The following IDI2 variants were observed in gnomAD, a reference collection of about 807,000 sequenced individuals.
The protein encoded by IDI2 is isopentenyl-diphosphate delta-isomerase 2.
A neutral mutation model predicts 14.8 loss-of-function variants in IDI2; 18 were observed. That is an observed-to-expected ratio of 1.22 (90% confidence interval 0.84 to 1.80). The LOEUF is 1.80. IDI2 is among the 40% of genes most tolerant of loss of function. The pLI, the probability that IDI2 is intolerant of heterozygous loss-of-function variation, is 0.00. For synonymous variants in IDI2, 133 were observed against 109.6 expected (o/e 1.21, Z -1.33); for missense variants, 316 against 283.2 (o/e 1.12, Z -0.83).
chr10:1,023,327 T>C (rs1224405820), intron 2 of IDI2, among the ~76,000 whole-genome samples: 1 of 151,838 alleles, frequency 6.6e-6, no homozygotes, highest in Non-Finnish European at 1.5e-5. Flanking sequence ...TACAAAAAAA[T>C]TAGCTGGGCG....
rs955487340 is a variant in IDI2 at position 1,022,700 on chromosome 10, G to A, written c.218C>T (p.Thr73Met). ...GGACTCACCAGGAAACGTGACTTTC[G>A]TGTCCGACCTCTGCTGTATCAGGAT... ...NRILIQQRSD[T>M]KVTFPGYFTD... Residue 73 changes from threonine (T) to methionine (M), a missense_variant, in exon 3 of 5, where the codon ACG becomes ATG. Physicochemically the swap from Thr to Met is moderately conservative, Grantham distance 81. Coordinates refer to ENST00000277517, the MANE Select transcript of IDI2 (RefSeq NM_033261.3). 7 of 1,613,662 alleles carry A rather than the reference G, an allele frequency of 4.3e-6. No individual in the cohort carries two copies. The highest frequency in any genetic ancestry group is 1.7e-5 in the Admixed American group (1 of 60,000).
At position 1,019,228 on chromosome 10, in the gene IDI2, T is replaced by G; in HGVS notation, c.*289A>C. 1 of 321,904 alleles carries G rather than the reference T, an allele frequency of 3.1e-6. No homozygotes were observed. The highest frequency in any genetic ancestry group is 5.9e-6 in the Non-Finnish European group (1 of 170,690). 19.9% of individuals were successfully genotyped at this position (321,904 alleles called of 1,614,324 possible). ...GGACTCTCAAGATCTCCCCAAGACT[T>G]TCAGGATCAGCTGCTGTTAATCAAA... On this transcript the variant is annotated 3_prime_UTR_variant, in exon 5 of 5. Coordinates refer to ENST00000277517, the MANE Select transcript of IDI2 (RefSeq NM_033261.3).
chr10:1,024,732 G>A lies in IDI2; in HGVS notation c.-9C>T. ...AGATTTATGTCAGACATAGCTGCTG[G>A]CTGTGACCCGACCTGAAATAGATGC... On this transcript the variant is annotated 5_prime_UTR_variant, in exon 2 of 5. Transcript: ENST00000277517. 1.2e-6 allele frequency: 2 copies of A among 1,613,862 alleles called. No individual in the cohort carries two copies. The highest frequency in any genetic ancestry group is 2.2e-5 in the East Asian group (1 of 44,876).
Position 1,020,724 on chromosome 10 carries a change from C to T in IDI2, c.366+43G>A, listed in dbSNP as rs754173885. 4 of 1,557,000 alleles carry T rather than the reference C, an allele frequency of 2.6e-6. No individual in the cohort carries two copies. In the South Asian group the frequency reaches 3.7e-5, roughly 14 times the overall value. On this transcript the variant is annotated intron_variant, in intron 4 of 4. Coordinates refer to ENST00000277517, the MANE Select transcript of IDI2 (RefSeq NM_033261.3). Reference sequence around the variant, plus strand: ...TGTTCACCGTCTGCCCGCTGCCAACCTGGACTCCCGTGGACACAGCTGAGA... The same window carrying T: ...TGTTCACCGTCTGCCCGCTGCCAACTTGGACTCCCGTGGACACAGCTGAGA...
rs780346470 is a variant in IDI2, at chr10:1,022,729, A to C, written c.189T>G (p.Asn63Lys). 6.2e-7 allele frequency: 1 copy of C among 1,614,220 alleles called. No individual in the cohort carries two copies. The highest frequency in any genetic ancestry group is 1.3e-5 in the African/African-American group (1 of 75,070). Reference protein sequence around the residue: ...AFSVVLFNTKNRILIQQRSDT... With the variant: ...AFSVVLFNTKKRILIQQRSDT... Reference sequence around the variant, plus strand: ...CCGACCTCTGCTGTATCAGGATTCGATTCTTGGTGTTAAACAAGACAACGC... The same window carrying C: ...CCGACCTCTGCTGTATCAGGATTCGCTTCTTGGTGTTAAACAAGACAACGC... The change falls in exon 3 of 5, where the codon AAT becomes AAG. Residue 63 changes from asparagine to lysine, a missense_variant. Transcript: ENST00000277517.
At chr10:1,022,133 C>T (rs1832117336) in intron 3 of IDI2, among the ~76,000 whole-genome samples, 1 of 152,086 alleles carries the variant, frequency 6.6e-6, no homozygotes, top group Admixed American at 6.5e-5. Flanking sequence ...GTGGCGGGCG[C>T]CTGTAGTCCC....
chr10:1,020,953 A>C, intron 3 of IDI2, 56 bp from the exon 4 acceptor site: 3 of 1,559,416 alleles, frequency 1.9e-6, no homozygotes, highest in Non-Finnish European at 8.7e-7. Flanking sequence ...TGAATATATT[A>C]AATACAAATG....
At chr10:1,025,010 C>CACACACACA (rs1368407999) in intron 1 of IDI2, among the ~76,000 whole-genome samples, 2 of 145,058 alleles carry the variant, frequency 1.4e-5, no homozygotes, top group African/African-American at 2.5e-5. Context: ...CCCCGCCCCA[C>CACACACACA]CACACACACA....
At chr10:1,020,741 C>T (rs1268198207) in intron 4 of IDI2, 26 bp downstream of exon 4, 1 of 1,593,440 alleles carries the variant, frequency 6.3e-7, no homozygotes, top group Non-Finnish European at 8.5e-7. Context: ...CCCGTGGACA[C>T]AGCTGAGACT....
rs372513363 is a variant in IDI2 at position 1,022,202 on chromosome 10, T to C, written c.235+481A>G. ...TGAACCCAGGAGGCGGGGCTTGCAG[T>C]GAGCCGAGATGGCGCCACTGCACTC... is the stretch of plus-strand genomic sequence containing the variant. On this transcript the variant is annotated intron_variant, in intron 3 of 4. Transcript: ENST00000277517. 1.8e-3 allele frequency among the ~76,000 whole-genome samples: 264 copies of C among 150,294 alleles called. 2 individuals carry two copies. The South Asian group carries it at 0.022, about 12-fold the overall frequency.
At chr10:1,019,882 A>G (rs1286407387) in intron 4 of IDI2, 48 bp from the exon 5 acceptor site, 7 of 1,257,632 alleles carry the variant, frequency 5.6e-6, no homozygotes, top group Non-Finnish European at 6.9e-6. Context: ...TGTAAAACAC[A>G]GAATTTACAG....
intron 1 of IDI2, 21 bp from the exon 2 acceptor site, chr10:1,024,765 T>G (rs1832182828): frequency 1.2e-6 from 2 of 1,611,676 alleles, no homozygotes; most frequent in Non-Finnish European, 1.7e-6. Flanking sequence ...TGCACACAAA[T>G]GCCTCTTTAT....
chr10:1,019,784 T>C lies in IDI2; in HGVS notation c.417A>G (p.Lys139=). ...CATGCTCTCCCCAAATTCTGTCTGA[T>C]TTTGCCTTGTGGTGATAGATTGTCA... ...VFMTIYHHKA[K]SDRIWGEHEI... The change falls in exon 5 of 5, where the codon AAA becomes AAG. Residue 139 remains lysine (K), a synonymous_variant. Transcript: ENST00000277517. 2 of 1,614,020 alleles carry C rather than the reference T, an allele frequency of 1.2e-6. No homozygotes were observed. The highest frequency in any genetic ancestry group is 4.5e-5 in the East Asian group (2 of 44,860).
chr10:1,025,397 C>T (rs112339780), intron 1 of IDI2, among the ~76,000 whole-genome samples: 3,690 of 152,028 alleles, frequency 0.024, 70 homozygotes, highest in Non-Finnish European at 0.039. Flanking sequence ...AAAAATTAGC[C>T]AGGCCTGGTG....
At position 1,019,839 on chromosome 10, in the gene IDI2, T is replaced by C. The variant is rs1395793969; in HGVS notation, c.367-5A>G. The C allele has an allele frequency of 1.2e-6, 2 of 1,606,382 alleles. No homozygotes were observed. The highest frequency in any genetic ancestry group is 1.7e-6 in the Non-Finnish European group (2 of 1,173,226). On this transcript the variant is annotated splice_region_variant and splice_polypyrimidine_tract_variant and intron_variant, in intron 4 of 4. Coordinates refer to ENST00000277517, the MANE Select transcript of IDI2 (RefSeq NM_033261.3). The stretch of plus-strand genomic sequence containing the variant: ...CACAATGTCCTCTGGAGAAATCTAT[T>C]GACAGAAATTGGTGCAGTGTTAACA...
chr10:1,025,160 A>G (rs1473212106), intron 1 of IDI2, among the ~76,000 whole-genome samples: 1 of 152,184 alleles, frequency 6.6e-6, no homozygotes, highest in Non-Finnish European at 1.5e-5. Context: ...AGAAACACAC[A>G]GCCTTGTAGG....
At chr10:1,023,375 C>A (rs1832150178) in intron 2 of IDI2, among the ~76,000 whole-genome samples, 1 of 151,422 alleles carries the variant, frequency 6.6e-6, no homozygotes, top group Admixed American at 6.6e-5. Context: ...ACTCGGGAGG[C>A]TGAGGCAGGA....
At position 1,019,598 on chromosome 10, in the gene IDI2, G is replaced by C. The variant is rs41299208; in HGVS notation, c.603C>G (p.Ala201=). 1.2e-6 allele frequency: 2 copies of C among 1,613,852 alleles called. No homozygotes were observed. The highest frequency in any genetic ancestry group is 2.7e-5 in the African/African-American group (2 of 74,874). ...GCCACCACCGGTACAGAAACCTCTC[G>C]GCAATGGTTCTTAGCCAGGGGGTGA... ...VKVTPWLRTI[A]ERFLYRWWPH... Residue 201 remains alanine (A), a synonymous_variant, in exon 5 of 5, where the codon GCC becomes GCG. Coordinates refer to ENST00000277517, the MANE Select transcript of IDI2 (RefSeq NM_033261.3).
Position 1,024,679 on chromosome 10 carries a change from C to T in IDI2, c.45G>A (p.Gln15=). 1.9e-6 allele frequency: 3 copies of T among 1,614,232 alleles called. No individual in the cohort carries two copies. Among genetic ancestry groups the T allele is most frequent in the Middle Eastern group, 1.6e-4 (1 of 6,062 alleles). ...CAACAATCAGCATTTCCTCCAAGCG[C>T]TGCAACTGACGCCTGTCAACCCAGT... ...NLDWVDRRQL[Q]RLEEMLIVVD... Residue 15 remains glutamine (Q), a synonymous_variant, in exon 2 of 5, where the codon CAG becomes CAA. Transcript: ENST00000277517.
Sources: allele counts gnomAD v4.1 joint callset (sites outside exome capture counted in the v4.1 genomes callset), GRCh38; gene constraint gnomAD v4.1.1; transcripts MANE v1.5; gene names NCBI Gene and HGNC (gene_info 2026-07-23, HGNC 2026-07-21).